Variants in YY1 observed in about 807,000 individuals in gnomAD.
The protein encoded by YY1 is YY1 transcription factor.
In YY1, 2 loss-of-function variants were observed where a neutral mutation model predicts 35.6. The observed-to-expected ratio is 0.06, with a 90% CI of 0.02 to 0.18. The LOEUF (loss-of-function observed/expected upper bound fraction) is 0.18, where lower values mean the gene tolerates loss of function less well. YY1 is among the 10% of genes least tolerant of loss of function. YY1 has a pLI of 1.00. For missense variants in YY1, 322 were observed against 573.4 expected, an observed-to-expected ratio of 0.56 and a Z score of 4.48; for synonymous variants, 268 against 238.9, an observed-to-expected ratio of 1.12 and a Z score of -1.12.
intron 2 of YY1, among the ~76,000 whole-genome samples, chr14:100,266,252 A>G (rs58849053): frequency 0.018 from 2,692 of 152,264 alleles, 69 homozygotes; most frequent in African/African-American, 0.062. Flanking sequence ...CAGCGAAACC[A>G]TGTCAGAGGG....
chr14:100,255,006 C>T (rs1366516995), intron 1 of YY1, among the ~76,000 whole-genome samples: 1 of 105,448 alleles, frequency 9.5e-6, no homozygotes, highest in African/African-American at 3.7e-5. Context: ...ACTATGTTGG[C>T]CAGGCTGGTC....
intron 1 of YY1, among the ~76,000 whole-genome samples, chr14:100,240,128 GC>G (rs1211200220): frequency 6.8e-6 from 1 of 146,224 alleles, no homozygotes; most frequent in Non-Finnish European, 1.5e-5. Flanking sequence ...GGGGGGAGGG[GC>G]CGGCGCCGCC....
At chr14:100,261,898 G>A (rs762732115) in intron 1 of YY1, among the ~76,000 whole-genome samples, 9 of 152,004 alleles carry the variant, frequency 5.9e-5, no homozygotes, top group Non-Finnish European at 1.3e-4. Flanking sequence ...CCTGTAATAC[G>A]AGGACTTTAG....
chr14:100,260,842 C>T (rs752242127), intron 1 of YY1, among the ~76,000 whole-genome samples: 1 of 102,904 alleles, frequency 9.7e-6, no homozygotes, highest in African/African-American at 3.8e-5. Context: ...ACTGAAGTTG[C>T]AGTGACGCAG....
At chr14:100,268,379 C>T (rs926030989) in intron 2 of YY1, among the ~76,000 whole-genome samples, 16 of 152,130 alleles carry the variant, frequency 1.1e-4, no homozygotes, top group African/African-American at 3.9e-4. Flanking sequence ...CTTTTTTTCC[C>T]GAAATGTCTG....
chr14:100,241,122 A>G (rs1411229575), intron 1 of YY1, among the ~76,000 whole-genome samples: 1 of 152,232 alleles, frequency 6.6e-6, no homozygotes, highest in Non-Finnish European at 1.5e-5. Flanking sequence ...TCAGTATCCT[A>G]TTAGTATATT....
intron 2 of YY1, among the ~76,000 whole-genome samples, chr14:100,267,449 G>A (rs967952660): frequency 2.0e-5 from 3 of 152,080 alleles, no homozygotes; most frequent in Admixed American, 1.3e-4. Flanking sequence ...CCTTGACAGT[G>A]TAAAAAGTAA....
chr14:100,245,824 C>T (rs1890824485), intron 1 of YY1, among the ~76,000 whole-genome samples: 1 of 152,042 alleles, frequency 6.6e-6, no homozygotes, highest in South Asian at 2.1e-4. Context: ...CCAGGCTGGT[C>T]TCAAACTCCT....
chr14:100,246,488 C>T (rs1037051736), intron 1 of YY1, among the ~76,000 whole-genome samples: 5 of 152,120 alleles, frequency 3.3e-5, no homozygotes, highest in African/African-American at 1.2e-4. Flanking sequence ...TGGTGAGACC[C>T]CACCTGAGCT....
At chr14:100,255,173 G>A (rs1566773881) in intron 1 of YY1, among the ~76,000 whole-genome samples, 1 of 151,662 alleles carries the variant, frequency 6.6e-6, no homozygotes, top group Non-Finnish European at 1.5e-5. Flanking sequence ...CTTCCTTGTA[G>A]GAAACACTGT....
intron 1 of YY1, among the ~76,000 whole-genome samples, chr14:100,247,997 G>A (rs943324311): frequency 4.6e-5 from 7 of 152,082 alleles, no homozygotes; most frequent in Non-Finnish European, 1.0e-4. Flanking sequence ...CCAGGCTGGA[G>A]TGCAGTGGTT....
intron 2 of YY1, among the ~76,000 whole-genome samples, chr14:100,262,915 T>C (rs1448341964): frequency 1.3e-5 from 2 of 152,106 alleles, no homozygotes; most frequent in Non-Finnish European, 2.9e-5. Flanking sequence ...CATTTTATTT[T>C]TTATTTTTTT....
At chr14:100,253,165 T>A (rs1890949039) in intron 1 of YY1, among the ~76,000 whole-genome samples, 1 of 152,232 alleles carries the variant, frequency 6.6e-6, no homozygotes, top group African/African-American at 2.4e-5. Flanking sequence ...AACAATTTTT[T>A]AATGACCTAT....
intron 1 of YY1, among the ~76,000 whole-genome samples, chr14:100,254,447 A>G (rs1890970757): frequency 6.6e-6 from 1 of 151,776 alleles, no homozygotes; most frequent in African/African-American, 2.4e-5. Context: ...GCTTTTTCCT[A>G]TATGTTTCTT....
At chr14:100,275,065 A>G (rs1298748958) in intron 3 of YY1, among the ~76,000 whole-genome samples, 1 of 152,176 alleles carries the variant, frequency 6.6e-6, no homozygotes, top group African/African-American at 2.4e-5. Context: ...TGTCTCACCT[A>G]TTGACCTTTA....
chr14:100,268,707 C>T (rs1891189857), intron 2 of YY1, among the ~76,000 whole-genome samples: 1 of 152,136 alleles, frequency 6.6e-6, no homozygotes. Flanking sequence ...TTGTCTAAGG[C>T]AATATTATCT....
chr14:100,245,555 A>AT (rs1230602975), intron 1 of YY1, among the ~76,000 whole-genome samples: 1 of 151,998 alleles, frequency 6.6e-6, no homozygotes, highest in Middle Eastern at 3.4e-3. Flanking sequence ...AGTACTATAT[A>AT]TTTTTTCCCT....
intron 1 of YY1, among the ~76,000 whole-genome samples, chr14:100,252,901 G>A (rs962426209): frequency 2.6e-5 from 4 of 152,064 alleles, no homozygotes; most frequent in African/African-American, 9.7e-5. Flanking sequence ...AACTGGGTGT[G>A]GTGGTGTGGT....
intron 1 of YY1, among the ~76,000 whole-genome samples, chr14:100,256,916 C>T (rs1391639213): frequency 1.3e-5 from 2 of 151,552 alleles, no homozygotes; most frequent in East Asian, 1.9e-4. Flanking sequence ...ATTTGGCCAA[C>T]TGGCTGTACT....
Sources: allele counts gnomAD v4.1 joint callset (sites outside exome capture counted in the v4.1 genomes callset), GRCh38; gene constraint gnomAD v4.1.1; transcripts MANE v1.5; gene names NCBI Gene and HGNC (gene_info 2026-07-23, HGNC 2026-07-21).